LTBP2: variants seen among roughly 807,000 people sequenced by gnomAD.
The protein encoded by LTBP2 is latent transforming growth factor beta binding protein 2.
Under a neutral mutation model 210.6 loss-of-function variants are expected in LTBP2, and 103 were observed. The ratio of observed to expected loss-of-function variants is 0.49; its 90% CI spans 0.42 to 0.58. The LOEUF (loss-of-function observed/expected upper bound fraction) is 0.58, where lower values mean the gene tolerates loss of function less well. LTBP2 is among the 20% of genes least tolerant of loss of function. LTBP2 has a pLI of 0.00. For missense variants in LTBP2, 2,313 were observed against 2,494.5 expected, an observed-to-expected ratio of 0.93 and a Z score of 1.55; for synonymous variants, 1,007 against 1,015.0, an observed-to-expected ratio of 0.99 and a Z score of 0.15.
rs59313477 is a variant in LTBP2 at position 74,604,164 on chromosome 14, C to CAAAAAAAAAAAAAAAAA, written c.495-476_495-460dup. On this transcript the variant is annotated intron_variant, in intron 1 of 35. Coordinates refer to ENST00000261978, the MANE Select transcript of LTBP2 (RefSeq NM_000428.3). ...GCTCCAACTCTACATTGCCTCTCAC[C>CAAAAAAAAAAAAAAAAA]AAAAAAAAAAAAAAAAAAAACCACA... is the stretch of plus-strand genomic sequence containing the variant. Among the ~76,000 whole-genome samples the CAAAAAAAAAAAAAAAAA allele has an allele frequency of 2.2e-4, 16 of 72,726 alleles. 1 individual carries two copies. Among genetic ancestry groups the CAAAAAAAAAAAAAAAAA allele is most frequent in the South Asian group, 1.5e-3 (3 of 2,050 alleles). The allele number at this position is 72,726 out of a possible 152,430, so 47.7% of individuals were successfully genotyped here.
chr14:74,540,097 C>G (rs753420551), intron 8 of LTBP2, among the ~76,000 whole-genome samples: 5 of 152,062 alleles, frequency 3.3e-5, no homozygotes, highest in Non-Finnish European at 7.3e-5. Context: ...GCCCTCAGCA[C>G]CCCTCCTCAC....
Position 74,611,563 on chromosome 14 carries a change from C to G in LTBP2, c.382G>C (p.Gly128Arg). Reference sequence around the variant, plus strand: ...GTCCGGGGTGCTGGTTGCTGCTGGCCCAGGGGAGTGCTTCTCCGGGTCTGC... The same window carrying G: ...GTCCGGGGTGCTGGTTGCTGCTGGCGCAGGGGAGTGCTTCTCCGGGTCTGC... The part of the protein sequence containing the change: ...PAQTRRSTPL[G>R]QQQPAPRTRA... Residue 128 changes from glycine to arginine, a missense_variant, in exon 1 of 36, where the codon GGC becomes CGC. Physicochemically the swap from Gly to Arg is moderately radical, Grantham distance 125. Transcript: ENST00000261978. 1.3e-6 allele frequency: 2 copies of G among 1,578,416 alleles called. No individual in the cohort carries two copies. The highest frequency in any genetic ancestry group is 2.8e-5 in the African/African-American group (2 of 72,210).
chr14:74,512,237 A>G (rs1401088558), intron 18 of LTBP2, among the ~76,000 whole-genome samples: 1 of 152,216 alleles, frequency 6.6e-6, no homozygotes, highest in East Asian at 1.9e-4. Context: ...GCACTGCAGG[A>G]GGACATTATG....
Position 74,586,092 on chromosome 14 carries a change from G to A in LTBP2, c.592C>T (p.Arg198Trp), listed in dbSNP as rs776293360. The change falls in exon 3 of 36, where the codon CGG becomes TGG. Residue 198 changes from arginine to tryptophan, a missense_variant. Physicochemically the swap from Arg to Trp is moderately radical, Grantham distance 101 (BLOSUM62 -3). Coordinates refer to ENST00000261978, the MANE Select transcript of LTBP2 (RefSeq NM_000428.3). This position sits in a 1 kb window ranked among gnomAD's most constrained non-coding sequence, Gnocchi z 4.6. ...KPVCEPPCQN[R>W]GSCSRPQLCV... ...AGCTGCGGGCGGCTGCAGGAGCCCC[G>A]GTTCTGGCACGGCGGCTCGCAAACG... The A allele has an allele frequency of 6.2e-6, 10 of 1,600,408 alleles. No homozygotes were observed. Among genetic ancestry groups the A allele is most frequent in the East Asian group, 4.5e-5 (2 of 44,356 alleles).
intron 4 of LTBP2, among the ~76,000 whole-genome samples, chr14:74,554,210 T>A (rs2087699551): frequency 6.6e-6 from 1 of 152,092 alleles, no homozygotes; most frequent in Admixed American, 6.6e-5. Flanking sequence ...CTCAGAAACG[T>A]TATGCTAAGC....
chr14:74,600,162 C>T (rs969140182), intron 2 of LTBP2, among the ~76,000 whole-genome samples: 4 of 152,178 alleles, frequency 2.6e-5, no homozygotes, highest in Admixed American at 6.5e-5. Flanking sequence ...CCCCACCGCC[C>T]GCCTGCGTGG....
intron 3 of LTBP2, among the ~76,000 whole-genome samples, chr14:74,579,081 T>C (rs370030176): frequency 1.3e-5 from 2 of 152,238 alleles, no homozygotes; most frequent in South Asian, 2.1e-4. Flanking sequence ...CGTCTCGAAC[T>C]CCTGACCTCG....
rs886050752 is a variant in LTBP2 at position 74,500,651 on chromosome 14, T to C, written c.*233A>G. 2 of 604,828 alleles carry C rather than the reference T, an allele frequency of 3.3e-6. No individual in the cohort carries two copies. Among genetic ancestry groups the C allele is most frequent in the Non-Finnish European group, 6.0e-6 (2 of 336,128 alleles). 37.5% of individuals were successfully genotyped at this position (604,828 alleles called of 1,614,324 possible). On this transcript the variant is annotated 3_prime_UTR_variant, in exon 36 of 36. Transcript: ENST00000261978. ...AGGAAAGGTGGTGGACAGGGCCTCA[T>C]GCGGTGGCTGAAGCATTAAAGCGAT...
intron 15 of LTBP2, among the ~76,000 whole-genome samples, chr14:74,523,996 G>C (rs2087240356): frequency 6.6e-6 from 1 of 152,128 alleles, no homozygotes; most frequent in African/African-American, 2.4e-5. Flanking sequence ...CCCTCAGCTG[G>C]GTCCTAAATG....
intron 26 of LTBP2, 88 bp from the exon 27 acceptor site, chr14:74,506,911 G>T: frequency 2.5e-6 from 4 of 1,582,738 alleles, no homozygotes; most frequent in Middle Eastern, 1.8e-4. Context: ...TCTCTCACAC[G>T]CATGCACACT....
At chr14:74,533,688 C>T (rs1036669074) in intron 9 of LTBP2, among the ~76,000 whole-genome samples, 4 of 152,184 alleles carry the variant, frequency 2.6e-5, no homozygotes, top group Non-Finnish European at 4.4e-5. Flanking sequence ...CGCATCCCCC[C>T]GGAAACCCGT....
chr14:74,543,236 G>A (rs1328402313), intron 8 of LTBP2, among the ~76,000 whole-genome samples: 1 of 151,890 alleles, frequency 6.6e-6, no homozygotes, highest in Admixed American at 6.6e-5. Context: ...AAATTAGCTG[G>A]GTGTGATGGC....
At chr14:74,601,014 A>T (rs2088438380) in intron 2 of LTBP2, among the ~76,000 whole-genome samples, 2 of 152,022 alleles carry the variant, frequency 1.3e-5, no homozygotes, top group African/African-American at 4.8e-5. Flanking sequence ...CTGACCCCCA[A>T]CTCTGCTCAG....
At position 74,548,472 on chromosome 14, in the gene LTBP2, T is replaced by C. The variant is rs552293250; in HGVS notation, c.1789+1391A>G. Among the ~76,000 whole-genome samples, 9 of 152,254 alleles carry C rather than the reference T, an allele frequency of 5.9e-5. No individual in the cohort carries two copies. In the South Asian group the frequency reaches 8.3e-4, roughly 14 times the overall value. On this transcript the variant is annotated intron_variant, in intron 8 of 35. Coordinates refer to ENST00000261978, the MANE Select transcript of LTBP2 (RefSeq NM_000428.3). The stretch of plus-strand genomic sequence containing the variant: ...CCAGGGCCTGCATGCTATGGCCTCT[T>C]CAAATGGGGGCTTAGTCAATGTAAA...
intron 3 of LTBP2, among the ~76,000 whole-genome samples, chr14:74,565,402 C>T (rs1595280396): frequency 6.6e-6 from 1 of 152,088 alleles, no homozygotes; most frequent in Non-Finnish European, 1.5e-5. Context: ...TAAAGAGAGG[C>T]GAGCTGGAGG....
intron 8 of LTBP2, among the ~76,000 whole-genome samples, chr14:74,537,472 G>A (rs2087436820): frequency 6.6e-6 from 1 of 152,192 alleles, no homozygotes; most frequent in African/African-American, 2.4e-5. Flanking sequence ...CAAAGGTCTT[G>A]CTCTATAAAG....
chr14:74,598,335 A>G (rs1174313159), intron 2 of LTBP2, among the ~76,000 whole-genome samples: 1 of 152,214 alleles, frequency 6.6e-6, no homozygotes, highest in Non-Finnish European at 1.5e-5. Flanking sequence ...TGATACACGC[A>G]GAGAAATGCT....
intron 8 of LTBP2, among the ~76,000 whole-genome samples, chr14:74,545,466 C>G (rs1275256724): frequency 1.3e-5 from 2 of 152,210 alleles, no homozygotes; most frequent in Non-Finnish European, 2.9e-5. Flanking sequence ...CCTGGAGATA[C>G]AGAGGGCCCT....
At chr14:74,571,309 G>A (rs1037147881) in intron 3 of LTBP2, among the ~76,000 whole-genome samples, 5 of 152,166 alleles carry the variant, frequency 3.3e-5, no homozygotes, top group African/African-American at 1.2e-4. Flanking sequence ...ACTCCAGCCT[G>A]GATAACAGAG....
Sources: gnomAD v4.1 joint callset for allele counts (sites outside exome capture counted in the v4.1 genomes callset) on GRCh38, gnomAD v4.1.1 for gene constraint, Gnocchi (gnomAD v3.1) non-coding constraint, MANE v1.5 for transcripts, NCBI Gene and HGNC (gene_info 2026-07-23, HGNC 2026-07-21) for gene names.